The following PDLIM1 variants were observed in gnomAD, a reference collection of about 807,000 sequenced individuals.
PDLIM1 encodes the protein PDZ and LIM domain protein 1.
Under a neutral mutation model 35.2 loss-of-function variants are expected in PDLIM1, and 25 were observed. That is an observed-to-expected ratio of 0.71 (90% CI 0.52 to 0.99). PDLIM1 has a LOEUF of 0.99. Among genes scored for constraint, PDLIM1 ranks in the 50% least tolerant of loss-of-function variants. PDLIM1 has a pLI of 0.00. For synonymous variants in PDLIM1, 152 were observed against 154.0 expected, an observed-to-expected ratio of 0.99 and a Z score of 0.10; for missense variants, 363 against 415.3, an observed-to-expected ratio of 0.87 and a Z score of 1.09.
chr10:95,284,475 T>C (rs927577130), intron 1 of PDLIM1, among the ~76,000 whole-genome samples: 1 of 152,136 alleles, frequency 6.6e-6, no homozygotes, highest in Non-Finnish European at 1.5e-5. Flanking sequence ...TGCCTCAGCC[T>C]CTTGAGTAGC....
chr10:95,249,774 T>G (rs2133414716), intron 4 of PDLIM1, among the ~76,000 whole-genome samples: 1 of 152,242 alleles, frequency 6.6e-6, no homozygotes, highest in African/African-American at 2.4e-5. Flanking sequence ...GTCCAGGTGT[T>G]TCCCTTCCAC....
chr10:95,270,696 C>T (rs1489318493), intron 2 of PDLIM1, among the ~76,000 whole-genome samples: 2 of 152,152 alleles, frequency 1.3e-5, no homozygotes, highest in Non-Finnish European at 2.9e-5. Context: ...TCTGTTATTG[C>T]AATCTCCTGG....
intron 1 of PDLIM1, among the ~76,000 whole-genome samples, chr10:95,273,968 C>T (rs2035489235): frequency 6.6e-6 from 1 of 152,218 alleles, no homozygotes; most frequent in African/African-American, 2.4e-5. Flanking sequence ...CTGACAAACT[C>T]TAACTCCAAG....
intron 4 of PDLIM1, among the ~76,000 whole-genome samples, chr10:95,256,128 T>C (rs2035309077): frequency 6.6e-6 from 1 of 152,108 alleles, no homozygotes; most frequent in Non-Finnish European, 1.5e-5. Flanking sequence ...CTGAATAGAG[T>C]ACATTTTAAA....
chr10:95,265,360 C>A lies in PDLIM1; in HGVS notation c.334-1297G>T, dbSNP rs1172307419. Among the ~76,000 whole-genome samples, 6 of 151,850 alleles carry A rather than the reference C, an allele frequency of 4.0e-5. No individual in the cohort carries two copies. The South Asian group carries it at 1.2e-3, about 32-fold the overall frequency. ...CTGTAATCCCAGCACTTTGGGAGGC[C>A]GAGGCGGGCGGATCACCTGAGGTCC... On this transcript the variant is annotated intron_variant, in intron 3 of 6. Transcript: ENST00000329399.
chr10:95,273,959 T>G (rs1277318823), intron 1 of PDLIM1, among the ~76,000 whole-genome samples: 2 of 152,236 alleles, frequency 1.3e-5, no homozygotes, highest in Non-Finnish European at 2.9e-5. Flanking sequence ...CGTTCTTGAC[T>G]GACAAACTCT....
At chr10:95,281,017 T>C (rs2035556594) in intron 1 of PDLIM1, among the ~76,000 whole-genome samples, 1 of 152,168 alleles carries the variant, frequency 6.6e-6, no homozygotes, top group Non-Finnish European at 1.5e-5. Context: ...CATACCTTTT[T>C]AAAGCTTCCC....
At chr10:95,261,624 T>A (rs1295237415) in intron 4 of PDLIM1, among the ~76,000 whole-genome samples, 1 of 152,222 alleles carries the variant, frequency 6.6e-6, no homozygotes, top group African/African-American at 2.4e-5. Context: ...TTGGTTACTA[T>A]GATAAATGGC....
intron 4 of PDLIM1, among the ~76,000 whole-genome samples, chr10:95,263,459 A>C (rs2035383572): frequency 2.1e-5 from 3 of 143,514 alleles, no homozygotes; most frequent in Non-Finnish European, 4.6e-5. Context: ...GGTGGACATA[A>C]GCACAGGCTA....
chr10:95,290,848 T>A lies in PDLIM1; in HGVS notation c.68A>T (p.Asp23Val), dbSNP rs1429576071. 6.4e-7 allele frequency: 1 copy of A among 1,564,262 alleles called. No individual in the cohort carries two copies. Among genetic ancestry groups the A allele is most frequent in the Non-Finnish European group, 8.7e-7 (1 of 1,155,148 alleles). Residue 23 changes from aspartate (D) to valine (V), a missense_variant, in exon 1 of 7, where the codon GAC becomes GTC. Physicochemically the swap from Asp to Val is radical, Grantham distance 152. Coordinates refer to ENST00000329399, the MANE Select transcript of PDLIM1 (RefSeq NM_020992.4). This position sits in a 1 kb window ranked among gnomAD's most constrained non-coding sequence, Gnocchi z 4.7. ...PWGFRLVGGK[D>V]FEQPLAISRV... ...GGAAATGGCGAGAGGCTGCTCGAAG[T>A]CCTTGCCGCCCACGAGGCGGAAGCC... is the stretch of plus-strand genomic sequence containing the variant.
intron 1 of PDLIM1, among the ~76,000 whole-genome samples, chr10:95,282,812 C>T (rs1219159925): frequency 1.3e-5 from 2 of 152,100 alleles, no homozygotes; most frequent in African/African-American, 2.4e-5. Context: ...GGTGTGATGG[C>T]GCACGCTTGT....
intron 4 of PDLIM1, 176 bp from the exon 5 acceptor site, chr10:95,247,542 G>C: frequency 1.8e-6 from 1 of 550,860 alleles, no homozygotes; most frequent in Non-Finnish European, 3.2e-6. Flanking sequence ...AGATGTCTTT[G>C]TAGTCAGAGC....
At chr10:95,284,743 A>T (rs978745386) in intron 1 of PDLIM1, among the ~76,000 whole-genome samples, 2 of 152,362 alleles carry the variant, frequency 1.3e-5, no homozygotes, top group Non-Finnish European at 2.9e-5. Flanking sequence ...GTCTATAAAA[A>T]TTAGTCCCTG....
chr10:95,282,663 G>C (rs1020258324), intron 1 of PDLIM1, among the ~76,000 whole-genome samples: 5 of 152,238 alleles, frequency 3.3e-5, no homozygotes, highest in Non-Finnish European at 7.3e-5. Flanking sequence ...ATCGAGGCCA[G>C]GCGTGGTGGC....
intron 3 of PDLIM1, among the ~76,000 whole-genome samples, chr10:95,265,211 TAA>T (rs11353674): frequency 4.0e-5 from 6 of 148,946 alleles, no homozygotes; most frequent in East Asian, 1.9e-4. Flanking sequence ...TATGCTTTCT[TAA>T]AAAAAAAAAA....
intron 4 of PDLIM1, among the ~76,000 whole-genome samples, chr10:95,254,802 C>T (rs765403340): frequency 2.0e-5 from 3 of 152,080 alleles, no homozygotes; most frequent in Non-Finnish European, 2.9e-5. Flanking sequence ...TACTTGTAGT[C>T]TCAGCTACTC....
intron 5 of PDLIM1, among the ~76,000 whole-genome samples, chr10:95,243,239 C>G (rs1338056172): frequency 1.3e-5 from 2 of 152,180 alleles, no homozygotes; most frequent in Non-Finnish European, 2.9e-5. Flanking sequence ...AAGGTTTTTT[C>G]TCTCACATAT....
At chr10:95,253,375 G>A (rs977969050) in intron 4 of PDLIM1, among the ~76,000 whole-genome samples, 9 of 152,138 alleles carry the variant, frequency 5.9e-5, no homozygotes, top group Non-Finnish European at 1.3e-4. Flanking sequence ...AATGTTTAAA[G>A]GAAGTTCTCT....
In PDLIM1 at chr10:95,268,779, T is replaced by C; in HGVS notation, c.332A>G (p.Gln111Arg). The change falls in exon 3 of 7, where the codon CAG becomes CGG. Residue 111 changes from glutamine to arginine, a missense_variant and splice_region_variant. Coordinates refer to ENST00000329399, the MANE Select transcript of PDLIM1 (RefSeq NM_020992.4). The part of the protein sequence containing the change: ...PYKMNLASEP[Q>R]EVLHIGSAHN... Reference sequence around the variant, plus strand: ...CGGCAACGATGAGCAAGAACTTACCTGGGGTTCAGAGGCTAAATTCATCTT... The same window carrying C: ...CGGCAACGATGAGCAAGAACTTACCCGGGGTTCAGAGGCTAAATTCATCTT... 1 of 1,604,322 alleles carries C rather than the reference T, an allele frequency of 6.2e-7. No homozygotes were observed. The highest frequency in any genetic ancestry group is 8.5e-7 in the Non-Finnish European group (1 of 1,171,040).
Sources: gnomAD v4.1 joint callset for allele counts (sites outside exome capture counted in the v4.1 genomes callset) on GRCh38, gnomAD v4.1.1 for gene constraint, Gnocchi (gnomAD v3.1) non-coding constraint, MANE v1.5 for transcripts, NCBI Gene and HGNC (gene_info 2026-07-23, HGNC 2026-07-21) for gene names.